Variants in LRP1B observed in about 807,000 individuals in gnomAD.
LRP1B encodes the protein low-density lipoprotein receptor-related protein 1B.
LRP1B carries 217 observed loss-of-function variants against 556.6 expected under a neutral mutation model. The ratio of observed to expected loss-of-function variants is 0.39; its 90% confidence interval spans 0.35 to 0.44. The LOEUF (loss-of-function observed/expected upper bound fraction) is 0.44, where lower values mean the gene tolerates loss of function less well. LRP1B is among the 20% of genes least tolerant of loss of function. The pLI, the probability that LRP1B is intolerant of heterozygous loss-of-function variation, is 1.00. For synonymous variants in LRP1B, 2,047 were observed against 1,865.8 expected (o/e 1.10, Z -2.50); for missense variants, 5,053 against 5,620.8 (o/e 0.90, Z 3.23).
chr2:141,125,143 T>G (rs1644421590), intron 7 of LRP1B, among the ~76,000 whole-genome samples: 1 of 152,182 alleles, frequency 6.6e-6, no homozygotes, highest in African/African-American at 2.4e-5. Flanking sequence ...TATATAACAT[T>G]TGGATACCCA....
chr2:141,057,965 T>C (rs1196747488), intron 9 of LRP1B, among the ~76,000 whole-genome samples: 2 of 151,986 alleles, frequency 1.3e-5, no homozygotes, highest in East Asian at 3.9e-4. Flanking sequence ...ACTTATTACC[T>C]TCTAATATAA....
At chr2:141,170,451 T>C (rs1680453930) in intron 7 of LRP1B, among the ~76,000 whole-genome samples, 1 of 151,990 alleles carries the variant, frequency 6.6e-6, no homozygotes, top group Admixed American at 6.6e-5. Context: ...GGCAAATAAA[T>C]CCACTTTTCA....
chr2:141,386,013 G>A (rs776917360), intron 3 of LRP1B, among the ~76,000 whole-genome samples: 10 of 152,192 alleles, frequency 6.6e-5, no homozygotes, highest in Non-Finnish European at 1.5e-4. Flanking sequence ...CACAAATGAT[G>A]GTGATTAAAA....
At chr2:140,732,420 G>T (rs1687809915) in intron 35 of LRP1B, among the ~76,000 whole-genome samples, 1 of 152,014 alleles carries the variant, frequency 6.6e-6, no homozygotes, top group African/African-American at 2.4e-5. Flanking sequence ...TACCTGAACT[G>T]CATGATGTTT....
intron 1 of LRP1B, among the ~76,000 whole-genome samples, chr2:142,121,793 A>G (rs776259228): frequency 2.6e-5 from 4 of 152,138 alleles, no homozygotes; most frequent in Non-Finnish European, 4.4e-5. Context: ...CCAACCACGT[A>G]AAATAGTGAT....
At chr2:141,585,466 T>TGTGTGA (rs1553538855) in intron 2 of LRP1B, among the ~76,000 whole-genome samples, 2,234 of 145,532 alleles carry the variant, frequency 0.015, 65 homozygotes, top group South Asian at 0.068. Context: ...TGTGTGTGTG[T>TGTGTGA]GTGATGGGGT....
intron 3 of LRP1B, among the ~76,000 whole-genome samples, chr2:141,307,773 A>C (rs1332849147): frequency 6.6e-6 from 1 of 152,066 alleles, no homozygotes; most frequent in Non-Finnish European, 1.5e-5. Context: ...TGGTGTTATT[A>C]TGTCCATATG....
chr2:142,065,639 GA>G (rs1433769393), intron 1 of LRP1B, among the ~76,000 whole-genome samples: 3 of 151,256 alleles, frequency 2.0e-5, no homozygotes, highest in Non-Finnish European at 4.4e-5. Context: ...AAGTTTCCAA[GA>G]ATTAGGATGT....
At chr2:140,365,149 T>C (rs1682699446) in intron 71 of LRP1B, among the ~76,000 whole-genome samples, 1 of 151,762 alleles carries the variant, frequency 6.6e-6, no homozygotes, top group African/African-American at 2.4e-5. Context: ...AAAATTTGTG[T>C]CTTTCTTGGG....
intron 1 of LRP1B, among the ~76,000 whole-genome samples, chr2:141,915,195 C>T (rs9789430): frequency 0.34 from 52,086 of 151,908 alleles, 9,666 homozygotes; most frequent in Admixed American, 0.46. Flanking sequence ...AATAAAGCAG[C>T]GCACCTATAG....
intron 1 of LRP1B, among the ~76,000 whole-genome samples, chr2:142,022,306 TTTAA>T (rs1703354364): frequency 6.8e-6 from 1 of 146,988 alleles, no homozygotes; most frequent in African/African-American, 2.4e-5. Flanking sequence ...TGAAATACTG[TTTAA>T]TTAAGAATAG....
intron 2 of LRP1B, among the ~76,000 whole-genome samples, chr2:141,751,076 T>G (rs1694093424): frequency 6.6e-6 from 1 of 151,828 alleles, no homozygotes; most frequent in African/African-American, 2.4e-5. Flanking sequence ...TCTCCCTTTC[T>G]GCAGAGAAAA....
chr2:141,616,421 G>A lies in LRP1B; in HGVS notation c.206-135888C>T, dbSNP rs192803878. The stretch of plus-strand genomic sequence containing the variant: ...ATTATCTCCTCAGTAACTTTCATAC[G>A]TGGCTATACCTACTCTTTTAAGAAT... On this transcript the variant is annotated intron_variant, in intron 2 of 90. Transcript: ENST00000389484. 5.3e-5 allele frequency among the ~76,000 whole-genome samples: 8 copies of A among 151,868 alleles called. No homozygotes were observed. The South Asian group carries it at 6.2e-4, about 12-fold the overall frequency.
intron 66 of LRP1B, among the ~76,000 whole-genome samples, chr2:140,405,173 T>C (rs973503885): frequency 7.9e-5 from 12 of 152,074 alleles, no homozygotes; most frequent in African/African-American, 2.2e-4. Flanking sequence ...TGAATGATAA[T>C]AGTGACACAA....
At chr2:141,134,797 C>T (rs983765733) in intron 7 of LRP1B, among the ~76,000 whole-genome samples, 2 of 150,674 alleles carry the variant, frequency 1.3e-5, no homozygotes, top group Non-Finnish European at 3.0e-5. Context: ...TTCTGTGGTA[C>T]ATGATTTCAT....
intron 41 of LRP1B, among the ~76,000 whole-genome samples, chr2:140,614,815 G>A (rs1683201346): frequency 6.6e-6 from 1 of 152,116 alleles, no homozygotes; most frequent in Admixed American, 6.5e-5. Context: ...GGAAAATCCA[G>A]GAAAGAGCTT....
chr2:142,022,154 A>G (rs1703347314), intron 1 of LRP1B, among the ~76,000 whole-genome samples: 1 of 152,040 alleles, frequency 6.6e-6, no homozygotes, highest in African/African-American at 2.4e-5. Context: ...TAGGCAGTTC[A>G]TATATTTAAG....
At chr2:140,747,319 T>TCC (rs1688350575) in intron 35 of LRP1B, among the ~76,000 whole-genome samples, 1 of 152,188 alleles carries the variant, frequency 6.6e-6, no homozygotes, top group Admixed American at 6.5e-5. Context: ...CTGGAACAGT[T>TCC]AGGATTCCTT....
At chr2:141,231,388 C>G (rs534207162) in intron 5 of LRP1B, among the ~76,000 whole-genome samples, 1 of 152,266 alleles carries the variant, frequency 6.6e-6, no homozygotes, top group African/African-American at 2.4e-5. Flanking sequence ...GCATTTTTAT[C>G]CCCATCATGC....
Sources: gnomAD v4.1 joint callset for allele counts (sites outside exome capture counted in the v4.1 genomes callset) on GRCh38, gnomAD v4.1.1 for gene constraint, MANE v1.5 for transcripts, NCBI Gene and HGNC (gene_info 2026-07-23, HGNC 2026-07-21) for gene names.